Variants in PCDHGB1 observed in about 807,000 individuals in gnomAD.
The protein encoded by PCDHGB1 is protocadherin gamma-B1.
In PCDHGB1, 34 loss-of-function variants were observed where a neutral mutation model predicts 56.6. That is an observed-to-expected ratio of 0.60 (90% CI 0.46 to 0.80). PCDHGB1 has a LOEUF of 0.80. PCDHGB1 is among the 30% of genes least tolerant of loss of function. The pLI, the probability that PCDHGB1 is intolerant of heterozygous loss-of-function variation, is 0.00. For missense variants in PCDHGB1, 1,278 were observed against 1,204.6 expected (o/e 1.06, Z -0.90); for synonymous variants, 561 against 505.9 (o/e 1.11, Z -1.46).
chr5:141,414,828 G>T (rs780047810), intron 1 of PCDHGB1: 1 of 1,614,210 alleles, frequency 6.2e-7, no homozygotes, highest in East Asian at 2.2e-5. Context: ...GCAACGTGTC[G>T]TTGAGCCTGT....
At chr5:141,421,435 A>G (rs775839500) in intron 1 of PCDHGB1, 3 of 1,614,108 alleles carry the variant, frequency 1.9e-6, no homozygotes, top group East Asian at 4.5e-5. Context: ...CATCGTCTCC[A>G]GAGGGAAGAC....
At chr5:141,504,666 G>T (rs2099839952) in intron 2 of PCDHGB1, among the ~76,000 whole-genome samples, 1 of 107,242 alleles carries the variant, frequency 9.3e-6, no homozygotes, top group South Asian at 3.6e-4. Context: ...AGGGCGGGGG[G>T]TGGGGGTTCT....
chr5:141,367,194 C>G (rs1212197084), intron 1 of PCDHGB1: 4 of 158,964 alleles, frequency 2.5e-5, no homozygotes, highest in African/African-American at 9.7e-5. Flanking sequence ...AAATAATTTA[C>G]AGTATTTACA....
At position 141,485,286 on chromosome 5, in the gene PCDHGB1, A is replaced by G; in HGVS notation, c.2410-9521A>G. The G allele has an allele frequency of 2.5e-6, 4 of 1,614,044 alleles. No individual in the cohort carries two copies. On this transcript the variant is annotated intron_variant, in intron 1 of 3. Transcript: ENST00000523390. This position sits in a 1 kb window ranked among gnomAD's most constrained non-coding sequence, Gnocchi z 5.7. ...CAGATCCGCTACCCGGTCCCAGAGG[A>G]GTCACAGGAAGGGACTTTTGTAGGG...
At chr5:141,413,012 A>T in intron 1 of PCDHGB1, 1 of 657,714 alleles carries the variant, frequency 1.5e-6, no homozygotes, top group Non-Finnish European at 2.5e-6. Context: ...GGCTTCAACT[A>T]CACAAGCCCC....
chr5:141,361,259 ACT>A (rs1761949153), intron 1 of PCDHGB1: 5 of 1,613,700 alleles, frequency 3.1e-6, no homozygotes, highest in African/African-American at 2.7e-5. Context: ...AGAGACAGAG[ACT>A]CTGGAGAAAA....
chr5:141,511,353 A>C lies in PCDHGB1; in HGVS notation c.*180A>C. ...AGTCAGCACCTACCCCTTCCCCCCC[A>C]GGGGGTTGAATATGCAAAAGCAGTT... On this transcript the variant is annotated 3_prime_UTR_variant, in exon 4 of 4. Transcript: ENST00000523390. 7.3e-7 allele frequency: 1 copy of C among 1,371,054 alleles called. No individual in the cohort carries two copies. Among genetic ancestry groups the C allele is most frequent in the Non-Finnish European group, 9.7e-7 (1 of 1,027,740 alleles). The allele number at this position is 1,371,054 out of a possible 1,614,324, so 84.9% of individuals were successfully genotyped here. A position where few individuals can be genotyped will look rare whatever the true frequency, so the allele number is the denominator to read the frequency against.
intron 1 of PCDHGB1, chr5:141,373,798 T>A: frequency 3.2e-6 from 1 of 315,426 alleles, no homozygotes; most frequent in Non-Finnish European, 5.8e-6. Context: ...AATAAAATCC[T>A]CTGTGTGATA....
At chr5:141,357,260 C>A (rs1760525551) in intron 1 of PCDHGB1, 1 of 1,613,796 alleles carries the variant, frequency 6.2e-7, no homozygotes, top group Non-Finnish European at 8.5e-7. Flanking sequence ...CCAGACGACT[C>A]GGGCCTCACA....
At chr5:141,366,818 C>T (rs367913992) in intron 1 of PCDHGB1, 3 of 1,545,048 alleles carry the variant, frequency 1.9e-6, no homozygotes, top group Non-Finnish European at 1.7e-6. Flanking sequence ...ATGTTTCTGT[C>T]ATATTCAGAA....
chr5:141,363,843 T>C (rs771270646), intron 1 of PCDHGB1, among the ~76,000 whole-genome samples: 2 of 152,188 alleles, frequency 1.3e-5, no homozygotes, highest in African/African-American at 2.4e-5. Context: ...TGTCCTAATT[T>C]AATGGACTAA....
At chr5:141,460,926 G>A (rs1180507724) in intron 1 of PCDHGB1, among the ~76,000 whole-genome samples, 4 of 145,540 alleles carry the variant, frequency 2.7e-5, no homozygotes, top group African/African-American at 2.6e-5. Flanking sequence ...ATATATATAT[G>A]TGTGTGTGTA....
chr5:141,404,210 A>G (rs927879028), intron 1 of PCDHGB1: 11 of 1,613,840 alleles, frequency 6.8e-6, no homozygotes, highest in Non-Finnish European at 9.3e-6. Context: ...AGAATATAAT[A>G]TCACGGTGAC....
In PCDHGB1 at chr5:141,477,143, G is replaced by T; in HGVS notation, c.2410-17664G>T. On this transcript the variant is annotated intron_variant, in intron 1 of 3. Transcript: ENST00000523390. The surrounding 1 kb of genome is among the most constrained non-coding windows in gnomAD (Gnocchi z 4.9). The stretch of plus-strand genomic sequence containing the variant: ...ACATTGCAAAGTGTTGGTGGAGGTT[G>T]TGGATGTGAATGACAACGCCCCGGA... The T allele has an allele frequency of 6.2e-7, 1 of 1,614,198 alleles. No homozygotes were observed. The highest frequency in any genetic ancestry group is 8.5e-7 in the Non-Finnish European group (1 of 1,180,036).
intron 1 of PCDHGB1, among the ~76,000 whole-genome samples, chr5:141,469,031 C>T (rs963001535): frequency 1.3e-5 from 2 of 152,070 alleles, no homozygotes; most frequent in Admixed American, 6.6e-5. Flanking sequence ...AATCCCAGCA[C>T]TTTGGGAGGC....
intron 1 of PCDHGB1, chr5:141,365,220 A>G (rs777231006): frequency 6.2e-7 from 1 of 1,613,958 alleles, no homozygotes; most frequent in East Asian, 2.2e-5. Flanking sequence ...CTTGATTCCA[A>G]CCTGGGGGAA....
chr5:141,382,728 C>T, intron 1 of PCDHGB1: 1 of 545,686 alleles, frequency 1.8e-6, no homozygotes. Context: ...AGTTTTACAG[C>T]ACAGAGAAAC....
chr5:141,414,741 A>C, intron 1 of PCDHGB1: 1 of 1,614,158 alleles, frequency 6.2e-7, no homozygotes. Flanking sequence ...ATGCACTCAG[A>C]TCCTTCGACT....
chr5:141,375,327 T>A (rs1219155365), intron 1 of PCDHGB1: 2 of 1,613,686 alleles, frequency 1.2e-6, no homozygotes, highest in South Asian at 2.2e-5. Context: ...CGGGAAGAGG[T>A]ATTCTTGTAC....
Sources: gnomAD v4.1 joint callset for allele counts (sites outside exome capture counted in the v4.1 genomes callset) on GRCh38, gnomAD v4.1.1 for gene constraint, Gnocchi (gnomAD v3.1) non-coding constraint, MANE v1.5 for transcripts, NCBI Gene and HGNC (gene_info 2026-07-23, HGNC 2026-07-21) for gene names.